TSPAN12: variants seen among roughly 807,000 people sequenced by gnomAD.
TSPAN12 encodes tetraspanin-12.
In TSPAN12, 19 loss-of-function variants were observed where a neutral mutation model predicts 39.2. The ratio of observed to expected loss-of-function variants is 0.49; its 90% CI spans 0.34 to 0.71. The LOEUF (loss-of-function observed/expected upper bound fraction) is 0.71, where lower values mean the gene tolerates loss of function less well. Among genes scored for constraint, TSPAN12 ranks in the 30% least tolerant of loss-of-function variants. The pLI is 0.01. For synonymous variants in TSPAN12, 119 were observed against 124.8 expected (o/e 0.95, Z 0.31); for missense variants, 314 against 359.9 (o/e 0.87, Z 1.03).
intron 5 of TSPAN12, 25 bp downstream of exon 5, chr7:120,815,704 G>C (rs1562943682): frequency 6.3e-7 from 1 of 1,594,752 alleles, no homozygotes; most frequent in Non-Finnish European, 8.6e-7. Context: ...GTTTTAGATT[G>C]TGATTATATC....
intron 2 of TSPAN12, among the ~76,000 whole-genome samples, chr7:120,843,359 G>A (rs543107668): frequency 1.2e-4 from 19 of 152,202 alleles, no homozygotes; most frequent in Non-Finnish European, 2.4e-4. Context: ...TGCCTCCCTC[G>A]TTGCTTGTTC....
At chr7:120,850,320 T>A (rs1794747098) in intron 2 of TSPAN12, among the ~76,000 whole-genome samples, 1 of 152,320 alleles carries the variant, frequency 6.6e-6, no homozygotes, top group African/African-American at 2.4e-5. Flanking sequence ...TGTTTGGGCA[T>A]AATTCTTAGC....
chr7:120,809,777 T>C (rs1243608693), intron 6 of TSPAN12, among the ~76,000 whole-genome samples: 1 of 152,110 alleles, frequency 6.6e-6, no homozygotes, highest in Non-Finnish European at 1.5e-5. Context: ...GAGAAGATGG[T>C]TGGGTGCAGT....
chr7:120,829,546 G>A (rs6942526), intron 4 of TSPAN12, among the ~76,000 whole-genome samples: 3 of 152,062 alleles, frequency 2.0e-5, no homozygotes, highest in African/African-American at 7.2e-5. Context: ...TTAAATGAAT[G>A]TTTTCTGGTT....
chr7:120,811,664 G>A (rs1460374698), intron 5 of TSPAN12, among the ~76,000 whole-genome samples: 2 of 148,158 alleles, frequency 1.3e-5, no homozygotes, highest in African/African-American at 5.0e-5. Context: ...AGCGAGACTC[G>A]GTCTCAAAAA....
chr7:120,848,635 GT>G (rs138579191), intron 2 of TSPAN12, among the ~76,000 whole-genome samples: 2 of 151,874 alleles, frequency 1.3e-5, no homozygotes, highest in African/African-American at 4.8e-5. Flanking sequence ...CTGTCCCAAT[GT>G]TTTTTTTCAC....
Position 120,806,647 on chromosome 7 carries a change from T to A in TSPAN12, c.514A>T (p.Thr172Ser), listed in dbSNP as rs2116348480. Residue 172 changes from threonine (T) to serine (S), a missense_variant, in exon 7 of 8, where the codon ACA becomes TCA. Transcript: ENST00000222747. ...GAATCTGGGGGCCAGTCCATCTCTG[T>A]CATTTCCAACCAGTCAGTGAAATAT... ...VVYFTDWLEM[T>S]EMDWPPDSCC... 4.3e-6 allele frequency: 7 copies of A among 1,613,552 alleles called. No homozygotes were observed. The highest frequency in any genetic ancestry group is 1.3e-5 in the African/African-American group (1 of 74,976).
At chr7:120,831,695 T>G (rs1049580540) in intron 4 of TSPAN12, among the ~76,000 whole-genome samples, 1 of 151,454 alleles carries the variant, frequency 6.6e-6, no homozygotes, top group Non-Finnish European at 1.5e-5. Flanking sequence ...AAGTTTCAGT[T>G]AGATAGTAGA....
At chr7:120,850,535 C>G (rs1005090154) in intron 2 of TSPAN12, among the ~76,000 whole-genome samples, 51 of 152,124 alleles carry the variant, frequency 3.4e-4, no homozygotes, top group African/African-American at 1.2e-3. Flanking sequence ...GAGGGAGGAG[C>G]CTATTGCTCA....
intron 4 of TSPAN12, among the ~76,000 whole-genome samples, chr7:120,828,686 T>C (rs1468511640): frequency 1.3e-4 from 19 of 149,082 alleles, no homozygotes; most frequent in African/African-American, 4.4e-4. Flanking sequence ...TTACAGTACC[T>C]TTAAAAACAC....
At chr7:120,850,646 A>G (rs1182925578) in intron 2 of TSPAN12, among the ~76,000 whole-genome samples, 2 of 152,130 alleles carry the variant, frequency 1.3e-5, no homozygotes, top group African/African-American at 4.8e-5. Context: ...GCTGAGCCAC[A>G]ATGTATATAT....
chr7:120,842,096 C>T (rs192362066), intron 2 of TSPAN12, among the ~76,000 whole-genome samples: 16 of 152,314 alleles, frequency 1.1e-4, no homozygotes, highest in Non-Finnish European at 2.4e-4. Context: ...TTACTTGCTA[C>T]AGCTTTAGCT....
intron 2 of TSPAN12, among the ~76,000 whole-genome samples, chr7:120,849,941 G>A (rs1324867238): frequency 6.6e-6 from 1 of 152,172 alleles, no homozygotes; most frequent in East Asian, 1.9e-4. Context: ...ATTATTTGGA[G>A]GCTGGTCACA....
chr7:120,794,234 A>C (rs1290041963), intron 7 of TSPAN12, among the ~76,000 whole-genome samples: 1 of 152,232 alleles, frequency 6.6e-6, no homozygotes, highest in Non-Finnish European at 1.5e-5. Context: ...TCTATAGTAC[A>C]TGCAATTAAA....
chr7:120,853,716 A>T (rs1794814349), intron 2 of TSPAN12, among the ~76,000 whole-genome samples: 1 of 150,936 alleles, frequency 6.6e-6, no homozygotes, highest in South Asian at 2.1e-4. Context: ...CTACTAAAAA[A>T]TACAAAAATT....
chr7:120,791,574 C>G (rs1793524144), intron 7 of TSPAN12, among the ~76,000 whole-genome samples: 1 of 152,130 alleles, frequency 6.6e-6, no homozygotes, highest in Admixed American at 6.5e-5. Context: ...TCTATATTGG[C>G]TTAAGATCTC....
intron 4 of TSPAN12, among the ~76,000 whole-genome samples, chr7:120,817,397 A>C (rs1345059434): frequency 1.6e-5 from 2 of 123,370 alleles, no homozygotes; most frequent in African/African-American, 8.3e-5. Context: ...TCAAAAAAAA[A>C]GTGTAGATTA....
At chr7:120,844,647 G>A (rs1298807754) in intron 2 of TSPAN12, among the ~76,000 whole-genome samples, 6 of 152,188 alleles carry the variant, frequency 3.9e-5, no homozygotes, top group African/African-American at 1.2e-4. Flanking sequence ...TCACATCCAG[G>A]CAAAACTGAT....
intron 2 of TSPAN12, among the ~76,000 whole-genome samples, chr7:120,843,576 C>A (rs1379932252): frequency 6.6e-6 from 1 of 152,220 alleles, no homozygotes; most frequent in African/African-American, 2.4e-5. Flanking sequence ...CCCATAGGAA[C>A]CATGGTATAA....
Sources: allele counts gnomAD v4.1 joint callset (sites outside exome capture counted in the v4.1 genomes callset), GRCh38; gene constraint gnomAD v4.1.1; transcripts MANE v1.5; gene names NCBI Gene and HGNC (gene_info 2026-07-23, HGNC 2026-07-21).